Variants in SH3PXD2B observed in about 807,000 individuals in gnomAD.
SH3PXD2B encodes SH3 and PX domains 2B.
Under a neutral mutation model 73.1 loss-of-function variants are expected in SH3PXD2B, and 37 were observed. The observed-to-expected ratio is 0.51, with a 90% CI of 0.39 to 0.67. The LOEUF (loss-of-function observed/expected upper bound fraction) is 0.67, where lower values mean the gene tolerates loss of function less well. Ranked by LOEUF, SH3PXD2B falls within the 30% of genes least tolerant of loss-of-function variation. The pLI, the probability that SH3PXD2B is intolerant of heterozygous loss-of-function variation, is 0.00. For synonymous variants in SH3PXD2B, 457 were observed against 480.5 expected (o/e 0.95, Z 0.64); for missense variants, 1,053 against 1,197.8 (o/e 0.88, Z 1.78).
intron 3 of SH3PXD2B, among the ~76,000 whole-genome samples, chr5:172,394,958 G>A (rs1343074616): frequency 6.6e-6 from 1 of 152,168 alleles, no homozygotes; most frequent in Non-Finnish European, 1.5e-5. Context: ...GGTTGGACCC[G>A]AGCATGTGAG....
intron 4 of SH3PXD2B, among the ~76,000 whole-genome samples, chr5:172,383,805 G>C (rs1757999279): frequency 1.3e-5 from 2 of 152,020 alleles, no homozygotes; most frequent in African/African-American, 4.8e-5. Context: ...TGAGTCTCTG[G>C]GGTCTGGGGA....
At chr5:172,426,597 T>C (rs988919266) in intron 1 of SH3PXD2B, among the ~76,000 whole-genome samples, 58 of 152,108 alleles carry the variant, frequency 3.8e-4, no homozygotes, top group African/African-American at 1.3e-3. Flanking sequence ...CTGGTCTTCA[T>C]GAGGGGAGTG....
chr5:172,343,087 A>G (rs558070487), intron 12 of SH3PXD2B, among the ~76,000 whole-genome samples: 3 of 152,254 alleles, frequency 2.0e-5, no homozygotes, highest in Non-Finnish European at 4.4e-5. Flanking sequence ...CTTGGTAAAT[A>G]ATGCTGCTGC....
intron 1 of SH3PXD2B, among the ~76,000 whole-genome samples, chr5:172,428,393 G>A (rs749503191): frequency 7.9e-5 from 12 of 152,152 alleles, no homozygotes; most frequent in African/African-American, 1.7e-4. Flanking sequence ...CCCATCTGTC[G>A]GAATGGCTAC....
intron 1 of SH3PXD2B, among the ~76,000 whole-genome samples, chr5:172,453,774 A>G (rs1393254161): frequency 6.6e-6 from 1 of 152,176 alleles, no homozygotes; most frequent in African/African-American, 2.4e-5. Context: ...GATCTCCTCC[A>G]TCGCCCAGGC....
chr5:172,399,172 T>C (rs537751674), intron 3 of SH3PXD2B, among the ~76,000 whole-genome samples: 1 of 152,348 alleles, frequency 6.6e-6, no homozygotes, highest in East Asian at 1.9e-4. Context: ...TTATTGGCAT[T>C]ATTGACAATC....
chr5:172,420,071 T>C (rs558491895), intron 2 of SH3PXD2B, among the ~76,000 whole-genome samples: 1 of 152,330 alleles, frequency 6.6e-6, no homozygotes, highest in South Asian at 2.1e-4. Flanking sequence ...CATCGAAAGA[T>C]GCTGGGCATC....
chr5:172,351,947 A>G (rs1757165964), intron 9 of SH3PXD2B, among the ~76,000 whole-genome samples: 1 of 152,072 alleles, frequency 6.6e-6, no homozygotes, highest in Admixed American at 6.6e-5. Flanking sequence ...TTGTTTGGGG[A>G]CACAGAGCCA....
intron 1 of SH3PXD2B, among the ~76,000 whole-genome samples, chr5:172,453,096 G>A (rs996914222): frequency 2.6e-5 from 4 of 151,960 alleles, no homozygotes; most frequent in African/African-American, 9.7e-5. Context: ...AAGGCATGCA[G>A]ATCTACTTTG....
intron 1 of SH3PXD2B, among the ~76,000 whole-genome samples, chr5:172,426,880 G>A (rs1256595967): frequency 6.6e-6 from 1 of 152,154 alleles, no homozygotes; most frequent in African/African-American, 2.4e-5. Flanking sequence ...GCCTGAATCC[G>A]GGACATTTCC....
intron 6 of SH3PXD2B, among the ~76,000 whole-genome samples, chr5:172,365,255 A>G (rs1177222558): frequency 6.6e-6 from 1 of 152,290 alleles, no homozygotes; most frequent in Middle Eastern, 3.4e-3. Flanking sequence ...CAGCCTACAG[A>G]CAGCACAGAA....
chr5:172,337,994 C>A lies in SH3PXD2B; in HGVS notation c.*375G>T. 5.1e-6 allele frequency: 6 copies of A among 1,180,000 alleles called. No individual in the cohort carries two copies. The highest frequency in any genetic ancestry group is 6.3e-6 in the Non-Finnish European group (6 of 946,450). 73.1% of individuals were successfully genotyped at this position (1,180,000 alleles called of 1,614,324 possible). On this transcript the variant is annotated 3_prime_UTR_variant, in exon 13 of 13. Coordinates refer to ENST00000311601, the MANE Select transcript of SH3PXD2B (RefSeq NM_001017995.3). ...TGCCCCTTACTGTGCCATGTCCAAG[C>A]CATGAGAGACCCTTGCTGGAGTTTC...
chr5:172,440,027 G>T (rs1759518078), intron 1 of SH3PXD2B, among the ~76,000 whole-genome samples: 1 of 152,168 alleles, frequency 6.6e-6, no homozygotes, highest in South Asian at 2.1e-4. Flanking sequence ...CAACCTGAAG[G>T]CTGGCTTTCT....
chr5:172,419,725 G>C (rs531885760), intron 2 of SH3PXD2B, among the ~76,000 whole-genome samples: 1 of 152,248 alleles, frequency 6.6e-6, no homozygotes, highest in East Asian at 1.9e-4. Context: ...CTCTCTTCGT[G>C]CCCAAGCTAG....
intron 12 of SH3PXD2B, among the ~76,000 whole-genome samples, chr5:172,340,471 C>T (rs1756826886): frequency 6.6e-6 from 1 of 152,190 alleles, no homozygotes; most frequent in Non-Finnish European, 1.5e-5. Context: ...TCAGAGGCAC[C>T]GGCAGCGTCT....
At chr5:172,428,498 A>G (rs1759157258) in intron 1 of SH3PXD2B, among the ~76,000 whole-genome samples, 1 of 152,206 alleles carries the variant, frequency 6.6e-6, no homozygotes, top group Non-Finnish European at 1.5e-5. Context: ...TGCCACAGCC[A>G]CTCTGGGAAG....
Position 172,346,270 on chromosome 5 carries a change from A to ATCACACACAGGG in SH3PXD2B, c.1063-21_1063-10dup. 1 of 1,613,504 alleles carries ATCACACACAGGG rather than the reference A, an allele frequency of 6.2e-7. No homozygotes were observed. Among genetic ancestry groups the ATCACACACAGGG allele is most frequent in the Non-Finnish European group, 8.5e-7 (1 of 1,179,906 alleles). On this transcript the variant is annotated splice_polypyrimidine_tract_variant and intron_variant, in intron 11 of 12. Transcript: ENST00000311601. ...AGGTTGAGGCCTCGAGGCTGGTACG[A>ATCACACACAGGG]TCACACACAGGGTTATCTCCAAGGC... is the stretch of plus-strand genomic sequence containing the variant.
intron 6 of SH3PXD2B, among the ~76,000 whole-genome samples, chr5:172,372,412 C>T (rs1385276375): frequency 3.3e-5 from 5 of 152,110 alleles, no homozygotes; most frequent in South Asian, 2.1e-4. Context: ...GGAAAGCTCC[C>T]GGAGGCCTCC....
chr5:172,428,090 T>C (rs1759142865), intron 1 of SH3PXD2B, among the ~76,000 whole-genome samples: 3 of 152,190 alleles, frequency 2.0e-5, no homozygotes, highest in Admixed American at 1.3e-4. Context: ...AAAAATTTTT[T>C]AAAGCAGATT....
Sources: gnomAD v4.1 joint callset for allele counts (sites outside exome capture counted in the v4.1 genomes callset) on GRCh38, gnomAD v4.1.1 for gene constraint, MANE v1.5 for transcripts, NCBI Gene and HGNC (gene_info 2026-07-23, HGNC 2026-07-21) for gene names.